JAKMIP2: variants seen among roughly 807,000 people sequenced by gnomAD.
The protein encoded by JAKMIP2 is janus kinase and microtubule interacting protein 2.
A neutral mutation model predicts 115.0 loss-of-function variants in JAKMIP2; 25 were observed. The ratio of observed to expected loss-of-function variants is 0.22; its 90% CI spans 0.16 to 0.30. The LOEUF (loss-of-function observed/expected upper bound fraction) is 0.30, where lower values mean the gene tolerates loss of function less well. Among genes scored for constraint, JAKMIP2 ranks in the 10% least tolerant of loss-of-function variants. The pLI is 1.00. For synonymous variants in JAKMIP2, 334 were observed against 343.6 expected, an observed-to-expected ratio of 0.97 and a Z score of 0.31; for missense variants, 642 against 957.6, an observed-to-expected ratio of 0.67 and a Z score of 4.35.
At chr5:147,628,718 G>A (rs777398128) in intron 16 of JAKMIP2, 33 bp downstream of exon 16, 24 of 1,566,210 alleles carry the variant, frequency 1.5e-5, no homozygotes, top group South Asian at 2.2e-5. Flanking sequence ...GCCAGACACC[G>A]AGATGATTTG....
intron 1 of JAKMIP2, among the ~76,000 whole-genome samples, chr5:147,746,690 T>C (rs2127008504): frequency 6.6e-6 from 1 of 152,246 alleles, no homozygotes; most frequent in African/African-American, 2.4e-5. Flanking sequence ...TTATACAGTA[T>C]CCTCATTCAT....
chr5:147,744,316 C>T (rs1754272664), intron 1 of JAKMIP2, among the ~76,000 whole-genome samples: 2 of 152,044 alleles, frequency 1.3e-5, no homozygotes, highest in South Asian at 4.2e-4. Flanking sequence ...TAAGAAGCCA[C>T]CAGCTTCCAC....
At chr5:147,762,678 T>C (rs1754970885) in intron 1 of JAKMIP2, among the ~76,000 whole-genome samples, 1 of 152,128 alleles carries the variant, frequency 6.6e-6, no homozygotes, top group African/African-American at 2.4e-5. Context: ...AAAGGGCCTA[T>C]CTCCAAATGC....
intron 1 of JAKMIP2, among the ~76,000 whole-genome samples, chr5:147,738,449 T>C (rs1328026288): frequency 6.6e-6 from 1 of 152,154 alleles, no homozygotes; most frequent in African/African-American, 2.4e-5. Context: ...CCTATGTCAT[T>C]ATAGATGAAC....
chr5:147,620,492 A>T (rs1267058397), intron 18 of JAKMIP2, among the ~76,000 whole-genome samples, 174 bp downstream of exon 18: 4 of 152,218 alleles, frequency 2.6e-5, no homozygotes, highest in Admixed American at 2.6e-4. Context: ...ATCTTAGAAT[A>T]AGTAAAGAGC....
chr5:147,596,199 T>C (rs1232538362), intron 21 of JAKMIP2, among the ~76,000 whole-genome samples: 1 of 148,428 alleles, frequency 6.7e-6, no homozygotes, highest in Non-Finnish European at 1.5e-5. Flanking sequence ...TCAAATTTGA[T>C]CTTTTTTTTT....
At chr5:147,620,176 C>A (rs1276169877) in intron 18 of JAKMIP2, among the ~76,000 whole-genome samples, 1 of 152,202 alleles carries the variant, frequency 6.6e-6, no homozygotes, top group East Asian at 1.9e-4. Context: ...CTCACTGAAG[C>A]CTTGACCTCC....
At chr5:147,737,799 T>C (rs1185876773) in intron 1 of JAKMIP2, among the ~76,000 whole-genome samples, 1 of 152,214 alleles carries the variant, frequency 6.6e-6, no homozygotes, top group African/African-American at 2.4e-5. Flanking sequence ...ATTTAATATA[T>C]AGTTCAGGAA....
intron 2 of JAKMIP2, among the ~76,000 whole-genome samples, chr5:147,667,963 C>T (rs183003380): frequency 5.9e-5 from 9 of 152,260 alleles, no homozygotes; most frequent in Admixed American, 1.3e-4. Context: ...ATTCCCATCG[C>T]GGCTCCTCCA....
intron 1 of JAKMIP2, among the ~76,000 whole-genome samples, chr5:147,767,947 T>C (rs1054271039): frequency 6.6e-6 from 1 of 152,180 alleles, no homozygotes; most frequent in Non-Finnish European, 1.5e-5. Context: ...TTGTTTTGTT[T>C]GCTTTATTTT....
chr5:147,782,579 T>TC lies in JAKMIP2; in HGVS notation c.-273dup, dbSNP rs1755803257. On this transcript the variant is annotated 5_prime_UTR_variant, in exon 1 of 22. Transcript: ENST00000616793. The stretch of plus-strand genomic sequence containing the variant: ...CAGCAGTGGCTGCCGGTTTTTTTTT[T>TC]CCCTCTGTCTCTGGTTGGCGATGGT... 1 of 1,005,696 alleles carries TC rather than the reference T, an allele frequency of 9.9e-7. No homozygotes were observed. The highest frequency in any genetic ancestry group is 1.5e-6 in the Non-Finnish European group (1 of 663,928). The allele number at this position is 1,005,696 out of a possible 1,614,324, so 62.3% of individuals were successfully genotyped here. A position where few individuals can be genotyped will look rare whatever the true frequency, so the allele number is the denominator to read the frequency against.
At chr5:147,676,827 G>C (rs560766472) in intron 1 of JAKMIP2, among the ~76,000 whole-genome samples, 67 of 152,302 alleles carry the variant, frequency 4.4e-4, no homozygotes, top group South Asian at 1.9e-3. Context: ...AGAATTACAG[G>C]CATCATTCCT....
chr5:147,638,783 C>G (rs929393108), intron 10 of JAKMIP2, among the ~76,000 whole-genome samples: 1 of 151,802 alleles, frequency 6.6e-6, no homozygotes, highest in Non-Finnish European at 1.5e-5. Flanking sequence ...AGTCACAAGG[C>G]TAGGAAACCT....
chr5:147,658,003 C>G (rs192143385), intron 3 of JAKMIP2, among the ~76,000 whole-genome samples: 35 of 152,254 alleles, frequency 2.3e-4, no homozygotes, highest in African/African-American at 8.4e-4. Context: ...AAGCCTACTT[C>G]TGTCAACTTG....
At chr5:147,753,515 C>T (rs933090371) in intron 1 of JAKMIP2, among the ~76,000 whole-genome samples, 2 of 152,188 alleles carry the variant, frequency 1.3e-5, no homozygotes, top group East Asian at 1.9e-4. Context: ...TGCCACCGAG[C>T]GTTGCTCTGT....
chr5:147,714,700 A>G (rs553859117), intron 1 of JAKMIP2, among the ~76,000 whole-genome samples: 2 of 152,342 alleles, frequency 1.3e-5, no homozygotes, highest in Admixed American at 6.5e-5. Context: ...TGACTGGCCT[A>G]TAAAAAGATA....
At chr5:147,610,797 CT>C (rs1561845846) in intron 20 of JAKMIP2, among the ~76,000 whole-genome samples, 1 of 152,230 alleles carries the variant, frequency 6.6e-6, no homozygotes, top group Admixed American at 6.5e-5. Flanking sequence ...GCCCCTTCCC[CT>C]AGGTGCTGTG....
At chr5:147,684,404 T>C (rs1760474156) in intron 1 of JAKMIP2, among the ~76,000 whole-genome samples, 1 of 151,982 alleles carries the variant, frequency 6.6e-6, no homozygotes, top group East Asian at 1.9e-4. Flanking sequence ...CAGTGTCTAA[T>C]ATAATATTGG....
chr5:147,622,326 C>T (rs1390181493), intron 17 of JAKMIP2, among the ~76,000 whole-genome samples: 1 of 152,114 alleles, frequency 6.6e-6, no homozygotes, highest in Non-Finnish European at 1.5e-5. Flanking sequence ...TTCAGTAGTA[C>T]AAAGTATATT....
Sources: allele counts gnomAD v4.1 joint callset (sites outside exome capture counted in the v4.1 genomes callset), GRCh38; gene constraint gnomAD v4.1.1; transcripts MANE v1.5; gene names NCBI Gene and HGNC (gene_info 2026-07-23, HGNC 2026-07-21).